PUDP: variants seen among roughly 807,000 people sequenced by gnomAD.
PUDP encodes pseudouridine 5'-phosphatase.
A neutral mutation model predicts 9.4 loss-of-function variants in PUDP; 8 were observed. That is an observed-to-expected ratio of 0.85 (90% CI 0.50 to 1.53). The LOEUF (loss-of-function observed/expected upper bound fraction) is 1.53, where lower values mean the gene tolerates loss of function less well. Ranked by LOEUF, PUDP falls within the 40% of genes most tolerant of loss-of-function variation. PUDP has a pLI of 0.00. For missense variants in PUDP, 188 were observed against 189.7 expected, an observed-to-expected ratio of 0.99 and a Z score of 0.05; for synonymous variants, 99 against 80.7, an observed-to-expected ratio of 1.23 and a Z score of -1.22.
At chrX:7,030,136 C>T (rs778784495) in intron 1 of PUDP, among the ~76,000 whole-genome samples, 3 of 110,579 alleles carry the variant, frequency 2.7e-5, no homozygotes, top group East Asian at 5.7e-4. Context: ...CTTTCCTTCT[C>T]ATTTTACTCT....
At chrX:7,050,495 G>C (rs964742229) in intron 3 of PUDP, 23 bp from the exon 4 acceptor site, 1 of 1,186,886 alleles carries the variant, frequency 8.4e-7, no homozygotes, top group Admixed American at 2.2e-5. Context: ...AAAGAAAGTC[G>C]AGATGGCCTT....
At chrX:6,909,610 G>T (rs1485674642) in intron 3 of PUDP, among the ~76,000 whole-genome samples, 1 of 111,609 alleles carries the variant, frequency 9.0e-6, no homozygotes, top group Non-Finnish European at 1.9e-5. Context: ...GCAAGGTTGA[G>T]TCATTGAAAC....
At chrX:6,848,001 G>C (rs188592361) in intron 3 of PUDP, among the ~76,000 whole-genome samples, 171 of 112,263 alleles carry the variant, frequency 1.5e-3, no homozygotes, top group Admixed American at 2.2e-3. Context: ...CTGCAACATA[G>C]CTGAGTCCTG....
chrX:6,853,130 G>A (rs1335149241), intron 3 of PUDP, among the ~76,000 whole-genome samples: 1 of 111,777 alleles, frequency 8.9e-6, no homozygotes, highest in Non-Finnish European at 1.9e-5. Context: ...GTCTGGGCAA[G>A]TCACCTGTGT....
chrX:6,959,012 C>A lies in PUDP; in HGVS notation c.*247+18121G>T, dbSNP rs181675190. Among the ~76,000 whole-genome samples the A allele has an allele frequency of 3.7e-3, 419 of 111,749 alleles. 5 individuals are homozygous for A. Among genetic ancestry groups the A allele is most frequent in the African/African-American group, 0.013 (395 of 30,781 alleles). On this transcript the variant is annotated intron_variant and NMD_transcript_variant, in intron 3 of 3. Coordinates refer to the PUDP transcript ENST00000655425. Reference sequence around the variant, plus strand: ...TGAGAAGAAAGAAATGATTTAAATGCAGACTTTATAATTAAAAGGGAAACA... The same window carrying A: ...TGAGAAGAAAGAAATGATTTAAATGAAGACTTTATAATTAAAAGGGAAACA...
chrX:6,848,023 G>C (rs1926773805), intron 3 of PUDP, among the ~76,000 whole-genome samples: 1 of 112,215 alleles, frequency 8.9e-6, no homozygotes, highest in Non-Finnish European at 1.9e-5. Context: ...GCTGGTTTAG[G>C]AGTCGGGTCT....
intron 2 of PUDP, among the ~76,000 whole-genome samples, chrX:7,083,926 AAAG>A (rs1208478067): frequency 9.9e-4 from 111 of 111,740 alleles, no homozygotes; most frequent in Non-Finnish European, 1.6e-3. Flanking sequence ...AAGGAAAAAA[AAAG>A]AAATACGTCG....
chrX:6,799,238 A>G (rs1441172110), intron 3 of PUDP, among the ~76,000 whole-genome samples: 1 of 112,271 alleles, frequency 8.9e-6, no homozygotes, highest in Non-Finnish European at 1.9e-5. Flanking sequence ...ATTTGATTCT[A>G]ATTTACCTGA....
At chrX:7,082,032 G>A (rs1165009099) in intron 2 of PUDP, among the ~76,000 whole-genome samples, 3 of 112,496 alleles carry the variant, frequency 2.7e-5, no homozygotes, top group African/African-American at 9.7e-5. Flanking sequence ...AATGCAAATG[G>A]AGTTCTGTTC....
intron 3 of PUDP, among the ~76,000 whole-genome samples, chrX:6,851,617 C>A (rs1254530112): frequency 9.0e-6 from 1 of 111,407 alleles, no homozygotes; most frequent in Non-Finnish European, 1.9e-5. Flanking sequence ...CATTTTAAAC[C>A]ATTTTAGCAT....
chrX:6,802,906 C>A (rs185832789), intron 3 of PUDP, among the ~76,000 whole-genome samples: 47 of 3,700 alleles, frequency 0.013, 2 homozygotes, highest in East Asian at 0.08. Flanking sequence ...CATAACATAA[C>A]ATAACATAAC....
chrX:7,132,583 A>G (rs1348916675), intron 1 of PUDP, among the ~76,000 whole-genome samples: 1 of 111,957 alleles, frequency 8.9e-6, no homozygotes, highest in African/African-American at 3.3e-5. Context: ...AATAACTCAC[A>G]TATTTGCATT....
chrX:7,128,446 T>C (rs1157930712), intron 1 of PUDP, among the ~76,000 whole-genome samples: 2 of 111,701 alleles, frequency 1.8e-5, no homozygotes, highest in East Asian at 2.8e-4. Context: ...AATTAAAGGG[T>C]AGTGGTGAAC....
intron 1 of PUDP, among the ~76,000 whole-genome samples, chrX:7,107,441 T>G (rs890793907): frequency 8.9e-6 from 1 of 112,732 alleles, no homozygotes; most frequent in Non-Finnish European, 1.9e-5. Flanking sequence ...CTCCTATGTA[T>G]GTTCACATGC....
At chrX:7,133,835 C>T in intron 1 of PUDP, among the ~76,000 whole-genome samples, 1 of 112,147 alleles carries the variant, frequency 8.9e-6, no homozygotes, top group South Asian at 3.7e-4. Context: ...TTTCTTCAGG[C>T]TACTTCACAG....
chrX:7,074,850 C>T (rs747347119), intron 3 of PUDP, among the ~76,000 whole-genome samples: 3 of 112,358 alleles, frequency 2.7e-5, no homozygotes, highest in South Asian at 7.5e-4. Context: ...CTGTTCCAGC[C>T]GCACCTGGAG....
chrX:6,860,507 G>A (rs1254940749), intron 3 of PUDP, among the ~76,000 whole-genome samples: 1 of 104,752 alleles, frequency 9.5e-6, no homozygotes, highest in Non-Finnish European at 1.9e-5. Context: ...GTCTCACTCT[G>A]TTGGCCAGGC....
chrX:7,042,422 T>C (rs931519174), intron 1 of PUDP, among the ~76,000 whole-genome samples: 5 of 111,955 alleles, frequency 4.5e-5, no homozygotes, highest in African/African-American at 1.6e-4. Flanking sequence ...ATTACACTTG[T>C]TAGAAATACA....
rs1452214217 is a variant in PUDP, at chrX:7,148,084, G to A, written c.30C>T (p.His10=). 1.8e-6 allele frequency: 2 copies of A among 1,135,240 alleles called. No individual in the cohort carries two copies. Among genetic ancestry groups the A allele is most frequent in the Admixed American group, 2.8e-5 (1 of 35,913 alleles). 93.6% of individuals were successfully genotyped at this position (1,135,240 alleles called of 1,213,427 possible). A position where few individuals can be genotyped will look rare whatever the true frequency, so the allele number is the denominator to read the frequency against. ...GAAGTCCGTCCATGTCAAAGATGAG[G>A]TGGGTGACGGGCTGCGGGGGCGCCG... MAAPPQPVT[H]LIFDMDGLLL... Residue 10 remains histidine (H), a synonymous_variant, in exon 1 of 4, where the codon CAC becomes CAT. Coordinates refer to ENST00000381077, the MANE Select transcript of PUDP (RefSeq NM_012080.5).
Sources: gnomAD v4.1 joint callset for allele counts (sites outside exome capture counted in the v4.1 genomes callset) on GRCh38, gnomAD v4.1.1 for gene constraint, MANE v1.5 for transcripts, NCBI Gene and HGNC (gene_info 2026-07-23, HGNC 2026-07-21) for gene names.